The following MYLK4 variants were observed in gnomAD, a reference collection of about 807,000 sequenced individuals.
MYLK4 encodes the protein myosin light chain kinase family member 4.
MYLK4 carries 46 observed loss-of-function variants against 48.1 expected under a neutral mutation model. The observed-to-expected ratio is 0.96, with a 90% CI of 0.75 to 1.22. MYLK4 has a LOEUF of 1.22. Among genes scored for constraint, MYLK4 ranks in the 50% most tolerant of loss-of-function variants. MYLK4 has a pLI of 0.00. For synonymous variants in MYLK4, 170 were observed against 180.8 expected, an observed-to-expected ratio of 0.94 and a Z score of 0.48; for missense variants, 451 against 486.1, an observed-to-expected ratio of 0.93 and a Z score of 0.68.
intron 2 of MYLK4, among the ~76,000 whole-genome samples, chr6:2,696,407 G>A (rs78840668): frequency 8.6e-4 from 131 of 152,284 alleles, no homozygotes; most frequent in African/African-American, 3.1e-3. Context: ...TTAAAAGGTA[G>A]GGCCTTCGAA....
At chr6:2,738,312 C>T (rs1763771215) in intron 2 of MYLK4, among the ~76,000 whole-genome samples, 1 of 152,182 alleles carries the variant, frequency 6.6e-6, no homozygotes, top group South Asian at 2.1e-4. Context: ...TAACAGAGTA[C>T]TGAGCATAGG....
chr6:2,766,326 C>T, the MYLK4 span: 26 of 1,610,738 alleles, frequency 1.6e-5, no homozygotes, highest in African/African-American at 1.9e-4. Context: ...CGTCCTGACA[C>T]GCTGCAGGAT....
chr6:2,682,281 A>G (rs1761338716), intron 7 of MYLK4, among the ~76,000 whole-genome samples: 1 of 152,228 alleles, frequency 6.6e-6, no homozygotes, highest in Non-Finnish European at 1.5e-5. Context: ...CTTAGTCCCA[A>G]TATGGGACTT....
chr6:2,749,889 T>C (rs1309203839), intron 1 of MYLK4, among the ~76,000 whole-genome samples: 4 of 152,234 alleles, frequency 2.6e-5, no homozygotes, highest in African/African-American at 9.6e-5. Context: ...TGGTGTTTAT[T>C]TGTGAAAAGA....
chr6:2,737,983 G>A (rs1341338822), intron 2 of MYLK4, among the ~76,000 whole-genome samples: 2 of 115,330 alleles, frequency 1.7e-5, no homozygotes, highest in African/African-American at 3.1e-5. Flanking sequence ...GGGGCGGGTG[G>A]GGGGGGGGTG....
chr6:2,770,256 C>T, the MYLK4 span: 3 of 1,614,184 alleles, frequency 1.9e-6, no homozygotes, highest in Non-Finnish European at 2.5e-6. Flanking sequence ...CCAGTAGAGG[C>T]AATGGTGACT....
At chr6:2,691,367 A>G (rs1041247059) in intron 3 of MYLK4, among the ~76,000 whole-genome samples, 2 of 152,246 alleles carry the variant, frequency 1.3e-5, no homozygotes, top group South Asian at 2.1e-4. Flanking sequence ...TCCCTAAAAA[A>G]GACCACACAA....
At chr6:2,675,976 C>T (rs1293571811) in intron 10 of MYLK4, among the ~76,000 whole-genome samples, 1 of 151,562 alleles carries the variant, frequency 6.6e-6, no homozygotes. Flanking sequence ...CCTGTAATCC[C>T]AGCTACTCAG....
chr6:2,766,471 T>G, the MYLK4 span: 15 of 1,464,052 alleles, frequency 1.0e-5, no homozygotes, highest in Non-Finnish European at 1.4e-5. Context: ...CCGTTGGGCT[T>G]CCGTAGTTAT....
chr6:2,735,976 A>G (rs1352663114), intron 2 of MYLK4, among the ~76,000 whole-genome samples: 2 of 152,318 alleles, frequency 1.3e-5, no homozygotes, highest in South Asian at 2.1e-4. Flanking sequence ...GAAAAGCTAA[A>G]TGACTGAGGT....
the MYLK4 span, among the ~76,000 whole-genome samples, chr6:2,761,717 T>C: frequency 6.6e-6 from 1 of 152,202 alleles, no homozygotes; most frequent in Non-Finnish European, 1.5e-5. Context: ...ACCCAGGTTC[T>C]TGAAGTCAAG....
At chr6:2,770,008 A>G in the MYLK4 span, 355 of 1,472,676 alleles carry the variant, frequency 2.4e-4, no homozygotes, top group Non-Finnish European at 3.1e-4. Flanking sequence ...GCTATTCCTG[A>G]ACTCGAAAGA....
intron 12 of MYLK4, among the ~76,000 whole-genome samples, chr6:2,668,259 T>A (rs1273786004): frequency 1.3e-5 from 2 of 152,186 alleles, no homozygotes; most frequent in African/African-American, 4.8e-5. Flanking sequence ...ACTCCGTCCA[T>A]CTGGTCAGCT....
At chr6:2,762,462 A>G in the MYLK4 span, among the ~76,000 whole-genome samples, 1 of 152,178 alleles carries the variant, frequency 6.6e-6, no homozygotes. Context: ...ATTTGTTTCC[A>G]TTTTAAAATT....
intron 7 of MYLK4, among the ~76,000 whole-genome samples, chr6:2,682,593 A>G (rs1484406022): frequency 6.6e-6 from 1 of 152,120 alleles, no homozygotes; most frequent in Admixed American, 6.5e-5. Context: ...CAAAGTCTGG[A>G]GCTTCCTGAG....
chr6:2,720,987 C>G (rs551331008), intron 2 of MYLK4, among the ~76,000 whole-genome samples: 56 of 151,986 alleles, frequency 3.7e-4, no homozygotes, highest in African/African-American at 1.3e-3. Flanking sequence ...ATGGTGAAAC[C>G]CTGTCTCTAC....
intron 2 of MYLK4, among the ~76,000 whole-genome samples, chr6:2,707,145 A>G (rs980613970): frequency 6.6e-6 from 1 of 152,224 alleles, no homozygotes; most frequent in African/African-American, 2.4e-5. Flanking sequence ...TACATACTCC[A>G]TACTCAGGTC....
At chr6:2,671,950 G>A (rs1327427929) in intron 11 of MYLK4, among the ~76,000 whole-genome samples, 1 of 152,198 alleles carries the variant, frequency 6.6e-6, no homozygotes, top group East Asian at 1.9e-4. Flanking sequence ...GACTGCAACC[G>A]GGTTGGGTCT....
intron 2 of MYLK4, among the ~76,000 whole-genome samples, chr6:2,725,519 G>A (rs1411414279): frequency 3.2e-4 from 47 of 145,922 alleles, no homozygotes; most frequent in African/African-American, 1.2e-3. Context: ...GAGAGACAGA[G>A]AGAGAGAAAA....
Sources: gnomAD v4.1 joint callset for allele counts (sites outside exome capture counted in the v4.1 genomes callset) on GRCh38, gnomAD v4.1.1 for gene constraint, MANE v1.5 for transcripts, NCBI Gene and HGNC (gene_info 2026-07-23, HGNC 2026-07-21) for gene names.